The following TGIF2 variants were observed in gnomAD, a reference collection of about 807,000 sequenced individuals.
The protein encoded by TGIF2 is TGFB induced factor homeobox 2, also known as homeobox protein TGIF2.
Under a neutral mutation model 15.1 loss-of-function variants are expected in TGIF2, and 5 were observed. The ratio of observed to expected loss-of-function variants is 0.33; its 90% CI spans 0.17 to 0.70. The LOEUF (loss-of-function observed/expected upper bound fraction) is 0.70. TGIF2 is among the 30% of genes least tolerant of loss of function. The probability of loss-of-function intolerance (pLI) is 0.67; values close to 1 mark genes in which losing one functional copy is unlikely to be tolerated. For synonymous variants in TGIF2, 131 were observed against 128.9 expected, an observed-to-expected ratio of 1.02 and a Z score of -0.11; for missense variants, 264 against 302.5, an observed-to-expected ratio of 0.87 and a Z score of 0.94.
At chr20:36,577,607 C>T (rs775218540) in intron 1 of TGIF2, among the ~76,000 whole-genome samples, 2 of 151,840 alleles carry the variant, frequency 1.3e-5, no homozygotes, top group Non-Finnish European at 1.5e-5. Context: ...CAACGTCCAC[C>T]TCCCAGGTTC....
chr20:36,589,377 G>A (rs990052244), intron 2 of TGIF2, among the ~76,000 whole-genome samples: 5 of 151,826 alleles, frequency 3.3e-5, no homozygotes, highest in African/African-American at 1.2e-4. Flanking sequence ...GCAGGAAGGT[G>A]AGAAGCTCTA....
In TGIF2 at chr20:36,591,328, TGGCGCTACAGAG is replaced by T; in HGVS notation, c.615_626del (p.Leu206_Ala209del). On this transcript the variant is annotated inframe_deletion, in exon 3 of 3. Transcript: ENST00000373872. This position sits in a 1 kb window ranked among gnomAD's most constrained non-coding sequence, Gnocchi z 5.3. ...AGCAGCTTCCAGCTGCTGGTGGAGG[TGGCGCTACAGAG>T]GGCTGCTGAGATGGAGCTTCAGAAG... The T allele has an allele frequency of 6.2e-7, 1 of 1,614,000 alleles. No individual in the cohort carries two copies. The highest frequency in any genetic ancestry group is 8.5e-7 in the Non-Finnish European group (1 of 1,180,014).
At chr20:36,584,939 A>G (rs969110850) in intron 2 of TGIF2, among the ~76,000 whole-genome samples, 40 of 152,154 alleles carry the variant, frequency 2.6e-4, no homozygotes, top group Admixed American at 3.9e-4. Flanking sequence ...GCTCACACCT[A>G]TAATTCCAGC....
rs1569533258 is a variant in TGIF2, at chr20:36,593,308, C to T, written c.*1877C>T. 6.6e-6 allele frequency: 1 copy of T among 152,220 alleles called. No homozygotes were observed. Among genetic ancestry groups the T allele is most frequent in the Admixed American group, 6.6e-5 (1 of 15,266 alleles). 9.4% of individuals were successfully genotyped at this position (152,220 alleles called of 1,614,324 possible). ...GATCTAGCCAGGAGAAAGACAGTAA[C>T]ATGTGTTCTGTACTTTCTGGGAAGA... On this transcript the variant is annotated 3_prime_UTR_variant, in exon 3 of 3. Coordinates refer to ENST00000373872, the MANE Select transcript of TGIF2 (RefSeq NM_021809.7).
At chr20:36,574,127 C>T in intron 1 of TGIF2, among the ~76,000 whole-genome samples, 1 of 150,852 alleles carries the variant, frequency 6.6e-6, no homozygotes, top group Admixed American at 6.6e-5. Flanking sequence ...AGGGCCCCCC[C>T]GCCGCCGAGC....
intron 2 of TGIF2, among the ~76,000 whole-genome samples, chr20:36,586,994 G>C (rs1459869037): frequency 6.6e-6 from 1 of 152,186 alleles, no homozygotes; most frequent in African/African-American, 2.4e-5. Context: ...TTTTATGGTA[G>C]AGACCGGCTT....
At position 36,591,038 on chromosome 20, in the gene TGIF2, T is replaced by C. The variant is rs548882247; in HGVS notation, c.321T>C (p.Arg107=). 1.9e-6 allele frequency: 3 copies of C among 1,601,576 alleles called. No homozygotes were observed. The highest frequency in any genetic ancestry group is 3.4e-5 in the Admixed American group (2 of 59,478). The change falls in exon 3 of 3, where the codon CGT becomes CGC. Residue 107 remains arginine (R), a synonymous_variant. Coordinates refer to ENST00000373872, the MANE Select transcript of TGIF2 (RefSeq NM_021809.7). This position sits in a 1 kb window ranked among gnomAD's most constrained non-coding sequence, Gnocchi z 5.3. ...AGGCCTCAGATGTGGCCCTCCCCCG[T>C]GGCAGCAGCCCCTCAGTGCTGGCTG... ...GGKASDVALP[R]GSSPSVLAVS...
chr20:36,591,674 C>T lies in TGIF2; in HGVS notation c.*243C>T, dbSNP rs1050004198. Reference sequence around the variant, plus strand: ...AGTGATGAGACCAAGAGATCGGAGACAAGCATGGTGCTGCTGCTTCTGCTG... The same window carrying T: ...AGTGATGAGACCAAGAGATCGGAGATAAGCATGGTGCTGCTGCTTCTGCTG... On this transcript the variant is annotated 3_prime_UTR_variant, in exon 3 of 3. Transcript: ENST00000373872. This position sits in a 1 kb window ranked among gnomAD's most constrained non-coding sequence, Gnocchi z 5.3. 6.9e-6 allele frequency: 3 copies of T among 433,478 alleles called. No individual in the cohort carries two copies. Among genetic ancestry groups the T allele is most frequent in the African/African-American group, 2.0e-5 (1 of 51,026 alleles). 26.9% of individuals were successfully genotyped at this position (433,478 alleles called of 1,614,324 possible). A position where few individuals can be genotyped will look rare whatever the true frequency, so the allele number is the denominator to read the frequency against.
At chr20:36,590,563 TGTTTGTTTTG>T (rs911102801) in intron 2 of TGIF2, among the ~76,000 whole-genome samples, 3 of 150,800 alleles carry the variant, frequency 2.0e-5, no homozygotes, top group African/African-American at 4.9e-5. Context: ...GCTTCATAGC[TGTTTGTTTTG>T]GTTTGTTTTG....
At chr20:36,577,288 C>T (rs2038450185) in intron 1 of TGIF2, among the ~76,000 whole-genome samples, 1 of 152,188 alleles carries the variant, frequency 6.6e-6, no homozygotes, top group East Asian at 1.9e-4. Context: ...CAACCTCTGC[C>T]TTCTAGGTTC....
At chr20:36,589,660 G>A (rs539934984) in intron 2 of TGIF2, among the ~76,000 whole-genome samples, 9 of 152,004 alleles carry the variant, frequency 5.9e-5, no homozygotes, top group Admixed American at 4.6e-4. Flanking sequence ...CAAAATGCTG[G>A]GATTACAGGC....
At chr20:36,585,501 AAG>A (rs1016613430) in intron 2 of TGIF2, among the ~76,000 whole-genome samples, 1 of 151,470 alleles carries the variant, frequency 6.6e-6, no homozygotes, top group Non-Finnish European at 1.5e-5. Context: ...CCACAAAAGT[AAG>A]AGAATATAAT....
chr20:36,591,893 A>T lies in TGIF2; in HGVS notation c.*462A>T. ...GAACCCAGTGGATGTAACAGAACCG[A>T]CTCCAGTTGAATGTTTAGATTTTTG... On this transcript the variant is annotated 3_prime_UTR_variant, in exon 3 of 3. Coordinates refer to ENST00000373872, the MANE Select transcript of TGIF2 (RefSeq NM_021809.7). The surrounding 1 kb of genome is among the most constrained non-coding windows in gnomAD (Gnocchi z 5.3). 6.5e-6 allele frequency: 1 copy of T among 154,830 alleles called. No homozygotes were observed. The highest frequency in any genetic ancestry group is 6.4e-5 in the Admixed American group (1 of 15,578). The allele number at this position is 154,830 out of a possible 1,614,324, so 9.6% of individuals were successfully genotyped here.
chr20:36,579,750 G>C (rs1441268556), intron 2 of TGIF2, among the ~76,000 whole-genome samples: 1 of 152,154 alleles, frequency 6.6e-6, no homozygotes, highest in African/African-American at 2.4e-5. Context: ...TTCCTTATCT[G>C]TAAAGGGGCA....
chr20:36,583,481 C>T (rs1386270387), intron 2 of TGIF2, among the ~76,000 whole-genome samples: 1 of 150,254 alleles, frequency 6.7e-6, no homozygotes, highest in Non-Finnish European at 1.5e-5. Context: ...AAAAAAAAGG[C>T]TGGGCACTGT....
chr20:36,578,892 C>G lies in TGIF2; in HGVS notation c.118C>G (p.His40Asp). The G allele has an allele frequency of 6.2e-7, 1 of 1,614,188 alleles. No individual in the cohort carries two copies. The highest frequency in any genetic ancestry group is 8.5e-7 in the Non-Finnish European group (1 of 1,180,028). ...VKILRDWLYL[H>D]RYNAYPSEQE... ...GATCCTCCGGGACTGGCTGTACTTG[C>G]ACCGCTACAACGCCTACCCCTCAGA... is the stretch of plus-strand genomic sequence containing the variant. The change falls in exon 2 of 3, where the codon CAC (histidine) becomes GAC (aspartate). Residue 40 changes from histidine to aspartate, a missense_variant. Coordinates refer to ENST00000373872, the MANE Select transcript of TGIF2 (RefSeq NM_021809.7).
At chr20:36,583,362 A>T (rs1216048488) in intron 2 of TGIF2, among the ~76,000 whole-genome samples, 4 of 144,626 alleles carry the variant, frequency 2.8e-5, no homozygotes, top group Non-Finnish European at 6.1e-5. Context: ...GGAGGCTAGG[A>T]TGGGAGACTT....
intron 2 of TGIF2, among the ~76,000 whole-genome samples, chr20:36,587,063 C>T (rs548053514): frequency 2.5e-4 from 38 of 152,316 alleles, no homozygotes; most frequent in Non-Finnish European, 4.4e-4. Flanking sequence ...GACCTTCTTC[C>T]TACCATCTCC....
intron 1 of TGIF2, among the ~76,000 whole-genome samples, chr20:36,578,321 G>C (rs1312702574): frequency 6.6e-6 from 1 of 151,682 alleles, no homozygotes; most frequent in Admixed American, 6.6e-5. Context: ...GCTGAGGTGG[G>C]AGAATCACTT....
Sources: gnomAD v4.1 joint callset for allele counts (sites outside exome capture counted in the v4.1 genomes callset) on GRCh38, gnomAD v4.1.1 for gene constraint, Gnocchi (gnomAD v3.1) non-coding constraint, MANE v1.5 for transcripts, NCBI Gene and HGNC (gene_info 2026-07-23, HGNC 2026-07-21) for gene names.